Variants in SHROOM4 observed in about 807,000 individuals in gnomAD.
The protein encoded by SHROOM4 is shroom family member 4.
A neutral mutation model predicts 80.3 loss-of-function variants in SHROOM4; 17 were observed. That is an observed-to-expected ratio of 0.21 (90% CI 0.14 to 0.32). The LOEUF (loss-of-function observed/expected upper bound fraction) is 0.32, where lower values mean the gene tolerates loss of function less well. Among genes scored for constraint, SHROOM4 ranks in the 10% least tolerant of loss-of-function variants. The pLI, the probability that SHROOM4 is intolerant of heterozygous loss-of-function variation, is 1.00. For synonymous variants in SHROOM4, 400 were observed against 437.5 expected, an observed-to-expected ratio of 0.91 and a Z score of 1.07; for missense variants, 993 against 1,140.3, an observed-to-expected ratio of 0.87 and a Z score of 1.86.
intron 5 of SHROOM4, among the ~76,000 whole-genome samples, chrX:50,616,351 C>G (rs1459850097): frequency 9.0e-6 from 1 of 111,425 alleles, no homozygotes; most frequent in Non-Finnish European, 1.9e-5. Flanking sequence ...AACCACCTAC[C>G]CTTTTTTTTT....
chrX:50,766,412 A>C, intron 1 of SHROOM4, among the ~76,000 whole-genome samples: 1 of 111,931 alleles, frequency 8.9e-6, no homozygotes, highest in Non-Finnish European at 1.9e-5. Flanking sequence ...TTTAAAAAAA[A>C]AACTTTCTTG....
At chrX:50,612,187 A>T (rs1331940071) in intron 5 of SHROOM4, among the ~76,000 whole-genome samples, 2 of 99,365 alleles carry the variant, frequency 2.0e-5, no homozygotes, top group African/African-American at 8.9e-5. Context: ...TAATCTAATT[A>T]AAAAAAAAAC....
intron 1 of SHROOM4, among the ~76,000 whole-genome samples, chrX:50,806,237 T>G (rs1936225301): frequency 8.9e-6 from 1 of 111,865 alleles, no homozygotes; most frequent in Non-Finnish European, 1.9e-5. Flanking sequence ...GCAGTACTTG[T>G]GTTGCGATAT....
At chrX:50,719,816 C>T (rs1445507433) in intron 1 of SHROOM4, among the ~76,000 whole-genome samples, 1 of 112,332 alleles carries the variant, frequency 8.9e-6, no homozygotes, top group Non-Finnish European at 1.9e-5. Flanking sequence ...CATCTAGTGA[C>T]CCTGAGGGTA....
At chrX:50,813,675 A>G (rs1284598304) in intron 1 of SHROOM4, among the ~76,000 whole-genome samples, 1 of 111,798 alleles carries the variant, frequency 8.9e-6, no homozygotes, top group Non-Finnish European at 1.9e-5. Flanking sequence ...GTCTGCGCGC[A>G]AGGTTCTAGC....
At chrX:50,598,720 C>T (rs1557247165) in intron 7 of SHROOM4, among the ~76,000 whole-genome samples, 185 bp from the exon 8 acceptor site, 1 of 112,010 alleles carries the variant, frequency 8.9e-6, no homozygotes, top group African/African-American at 3.2e-5. Context: ...ACCTTCTATC[C>T]GTCTGGTAGG....
At chrX:50,666,314 T>G (rs1342906139) in intron 2 of SHROOM4, among the ~76,000 whole-genome samples, 5 of 111,876 alleles carry the variant, frequency 4.5e-5, no homozygotes, top group African/African-American at 1.6e-4. Context: ...CAATGGTCAT[T>G]GCAAGCTTTT....
the SHROOM4 span, among the ~76,000 whole-genome samples, chrX:50,580,681 T>G: frequency 9.0e-6 from 1 of 111,308 alleles, no homozygotes; most frequent in East Asian, 2.8e-4. Context: ...CCTAACACAT[T>G]GGGAAGCCGA....
intron 5 of SHROOM4, among the ~76,000 whole-genome samples, chrX:50,626,091 T>C (rs1930790678): frequency 9.0e-6 from 1 of 110,881 alleles, no homozygotes; most frequent in Non-Finnish European, 1.9e-5. Context: ...AGAGAGGGAG[T>C]GAGGCAGGCA....
At chrX:50,608,470 A>G in intron 5 of SHROOM4, among the ~76,000 whole-genome samples, 1 of 111,465 alleles carries the variant, frequency 9.0e-6, no homozygotes, top group Middle Eastern at 4.7e-3. Context: ...ACAGTTGGGG[A>G]AACTGAGGCA....
intron 1 of SHROOM4, among the ~76,000 whole-genome samples, chrX:50,768,302 A>T (rs1011845464): frequency 8.9e-5 from 10 of 112,260 alleles, no homozygotes; most frequent in Non-Finnish European, 1.5e-4. Context: ...AATAGAAATA[A>T]GAACATTCTG....
At chrX:50,805,150 A>G (rs782371831) in intron 1 of SHROOM4, among the ~76,000 whole-genome samples, 1 of 111,737 alleles carries the variant, frequency 8.9e-6, no homozygotes, top group Non-Finnish European at 1.9e-5. Context: ...ACAAGGCTTT[A>G]GCTTGTCATC....
chrX:50,624,558 T>C (rs1557252687), intron 5 of SHROOM4, among the ~76,000 whole-genome samples: 1 of 111,018 alleles, frequency 9.0e-6, no homozygotes, highest in African/African-American at 3.3e-5. Context: ...GCCCCATCTA[T>C]GCCAATAACA....
intron 1 of SHROOM4, among the ~76,000 whole-genome samples, chrX:50,777,352 G>C (rs1172514490): frequency 8.9e-6 from 1 of 112,009 alleles, no homozygotes; most frequent in Admixed American, 9.5e-5. Context: ...TAGATAAGAA[G>C]ACTTTTTAAA....
At chrX:50,638,461 T>G (rs1364662553) in intron 2 of SHROOM4, among the ~76,000 whole-genome samples, 153 bp from the exon 3 acceptor site, 1 of 112,467 alleles carries the variant, frequency 8.9e-6, no homozygotes, top group Non-Finnish European at 1.9e-5. Flanking sequence ...CCTGAGCTCC[T>G]AGTTCTCAAG....
At chrX:50,658,980 A>C (rs782010410) in intron 2 of SHROOM4, among the ~76,000 whole-genome samples, 14 of 111,985 alleles carry the variant, frequency 1.3e-4, no homozygotes, top group African/African-American at 4.5e-4. Context: ...TGCATAATAC[A>C]GAATATATAA....
At chrX:50,626,117 A>C (rs1382821451) in intron 5 of SHROOM4, among the ~76,000 whole-genome samples, 1 of 111,783 alleles carries the variant, frequency 8.9e-6, no homozygotes, top group African/African-American at 3.3e-5. Context: ...GCACTTGCCA[A>C]GGCCACATGG....
intron 2 of SHROOM4, among the ~76,000 whole-genome samples, chrX:50,655,512 ATTT>A (rs1266907731): frequency 9.4e-6 from 1 of 106,132 alleles, no homozygotes; most frequent in Non-Finnish European, 1.9e-5. Flanking sequence ...TATTTCATAT[ATTT>A]TTTATATATG....
At chrX:50,732,241 G>A (rs1404746605) in intron 1 of SHROOM4, among the ~76,000 whole-genome samples, 8 of 111,208 alleles carry the variant, frequency 7.2e-5, no homozygotes, top group Admixed American at 5.8e-4. Context: ...CTAAATGAGG[G>A]GCAACATCAA....
Sources: gnomAD v4.1 joint callset for allele counts (sites outside exome capture counted in the v4.1 genomes callset) on GRCh38, gnomAD v4.1.1 for gene constraint, MANE v1.5 for transcripts, NCBI Gene and HGNC (gene_info 2026-07-23, HGNC 2026-07-21) for gene names.